Variants in TET3 observed in about 807,000 individuals in gnomAD.
TET3 encodes methylcytosine dioxygenase TET3.
A neutral mutation model predicts 141.4 loss-of-function variants in TET3; 19 were observed. That is an observed-to-expected ratio of 0.13 (90% CI 0.09 to 0.20). The LOEUF (loss-of-function observed/expected upper bound fraction) is 0.20. Ranked by LOEUF, TET3 falls within the 10% of genes least tolerant of loss-of-function variation. The probability of loss-of-function intolerance (pLI) is 1.00; values close to 1 mark genes in which losing one functional copy is unlikely to be tolerated. For missense variants in TET3, 1,874 were observed against 2,356.9 expected, an observed-to-expected ratio of 0.80 and a Z score of 4.24; for synonymous variants, 1,043 against 980.9, an observed-to-expected ratio of 1.06 and a Z score of -1.18.
At chr2:74,043,416 C>T (rs1406546999) in intron 3 of TET3, among the ~76,000 whole-genome samples, 12 of 152,144 alleles carry the variant, frequency 7.9e-5, no homozygotes, top group Non-Finnish European at 7.3e-5. Context: ...GAGATTTGGA[C>T]CCTGCCTGCC....
At chr2:74,070,077 T>G (rs1689120850) in intron 4 of TET3, among the ~76,000 whole-genome samples, 1 of 152,272 alleles carries the variant, frequency 6.6e-6, no homozygotes, top group Non-Finnish European at 1.5e-5. Flanking sequence ...CTAGTAGTTT[T>G]TACTCACTGT....
chr2:74,047,692 C>T lies in TET3; in HGVS notation c.1775C>T (p.Thr592Met), dbSNP rs776895794. ...ACACCAGCTGGAGGTCCCGTGGGAA[C>T]GGAGAAAGCTGCCCCTGGGATCAAG... ...LPTPAGGPVG[T>M]EKAAPGIKPS... Residue 592 changes from threonine to methionine, a missense_variant, in exon 4 of 12, where the codon ACG becomes ATG. Thr to Met is a moderately conservative substitution (Grantham distance 81). This residue lies in a region of TET3 where 484 missense variants were observed against 462.2 expected (regional missense o/e 1.05). Transcript: ENST00000409262. 107 of 1,613,204 alleles carry T rather than the reference C, an allele frequency of 6.6e-5. No homozygotes were observed. Among genetic ancestry groups the T allele is most frequent in the East Asian group, 4.5e-4 (20 of 44,846 alleles).
chr2:74,027,163 C>T (rs1001350818), intron 3 of TET3, among the ~76,000 whole-genome samples: 11 of 152,146 alleles, frequency 7.2e-5, no homozygotes, highest in African/African-American at 2.7e-4. Flanking sequence ...CCCTGTCTCC[C>T]AACCATTGTT....
chr2:74,035,792 C>T (rs1471740499), intron 3 of TET3, among the ~76,000 whole-genome samples: 2 of 151,002 alleles, frequency 1.3e-5, no homozygotes, highest in Non-Finnish European at 2.9e-5. Context: ...TGGGTGGATC[C>T]CTTGAGGCCA....
intron 4 of TET3, among the ~76,000 whole-genome samples, chr2:74,061,077 C>T (rs1404861565): frequency 1.3e-5 from 2 of 151,928 alleles, no homozygotes; most frequent in South Asian, 2.1e-4. Context: ...CTCCTCACTT[C>T]CCAGTAGGGG....
chr2:74,018,500 A>G (rs926218920), intron 3 of TET3, among the ~76,000 whole-genome samples: 25 of 152,196 alleles, frequency 1.6e-4, no homozygotes, highest in African/African-American at 6.0e-4. Flanking sequence ...TGCATGCGAT[A>G]TAAGATAGGG....
Position 74,046,729 on chromosome 2 carries a change from A to G in TET3, c.812A>G (p.Asn271Ser), listed in dbSNP as rs748579529. Residue 271 changes from asparagine to serine, a missense_variant, in exon 4 of 12, where the codon AAC becomes AGC. Asn to Ser is a conservative substitution (Grantham distance 46). Around this residue, in one of 10 missense-constraint regions of TET3, gnomAD observed 366 missense variants for 487.0 expected, o/e 0.75. Coordinates refer to ENST00000409262, the MANE Select transcript of TET3 (RefSeq NM_001287491.2). The surrounding 1 kb of genome is among the most constrained non-coding windows in gnomAD (Gnocchi z 4.3). Reference sequence around the variant, plus strand: ...GCGCGGCATGGTATGAAACCACCCAACTGCAACTGCGATGGCCCAGAATGC... The same window carrying G: ...GCGCGGCATGGTATGAAACCACCCAGCTGCAACTGCGATGGCCCAGAATGC... ...ALARHGMKPPNCNCDGPECPD... is the reference protein window; with the variant it reads ...ALARHGMKPPSCNCDGPECPD... 6.2e-6 allele frequency: 10 copies of G among 1,613,824 alleles called. No individual in the cohort carries two copies. The highest frequency in any genetic ancestry group is 1.7e-5 in the Admixed American group (1 of 60,012).
chr2:73,997,042 G>A (rs561508323), intron 2 of TET3, among the ~76,000 whole-genome samples: 51 of 152,248 alleles, frequency 3.3e-4, no homozygotes, highest in African/African-American at 1.2e-3. Flanking sequence ...CACACCTAAC[G>A]AGGGTGTTAG....
At chr2:74,070,917 G>T (rs1184981940) in intron 4 of TET3, among the ~76,000 whole-genome samples, 1 of 152,152 alleles carries the variant, frequency 6.6e-6, no homozygotes, top group Non-Finnish European at 1.5e-5. Context: ...CGAAGCTGCA[G>T]TAAGCTGTGA....
At chr2:73,985,370 A>G (rs1683960326) in intron 1 of TET3, among the ~76,000 whole-genome samples, 1 of 142,326 alleles carries the variant, frequency 7.0e-6, no homozygotes. Flanking sequence ...AAGCCGCCGG[A>G]GCGGAGTGGC....
chr2:74,081,153 T>C (rs1421340238), intron 6 of TET3, among the ~76,000 whole-genome samples: 2 of 152,180 alleles, frequency 1.3e-5, no homozygotes, highest in African/African-American at 4.8e-5. Context: ...AGCAGTTTCC[T>C]ACCAGGCAAC....
Position 74,017,617 on chromosome 2 carries a change from G to A in TET3, c.360+14451G>A, listed in dbSNP as rs149710664. On this transcript the variant is annotated intron_variant, in intron 3 of 11. Coordinates refer to ENST00000409262, the MANE Select transcript of TET3 (RefSeq NM_001287491.2). The stretch of plus-strand genomic sequence containing the variant: ...CTAACTAGTATTCCATTATGTGCAC[G>A]TACCACGTGTTCTTTATCCATTGAC... Among the ~76,000 whole-genome samples, 253 of 152,072 alleles carry A rather than the reference G, an allele frequency of 1.7e-3. No homozygotes were observed. The South Asian group carries it at 0.018, about 11-fold the overall frequency.
chr2:74,046,373 A>G lies in TET3; in HGVS notation c.456A>G (p.Ser152=), dbSNP rs1383255848. The change falls in exon 4 of 12, where the codon TCA becomes TCG. Residue 152 remains serine, a synonymous_variant. Coordinates refer to ENST00000409262, the MANE Select transcript of TET3 (RefSeq NM_001287491.2). The surrounding 1 kb of genome is among the most constrained non-coding windows in gnomAD (Gnocchi z 4.3). ...YHGDSRQLSA[S]GVPVNGAREP... Reference sequence around the variant, plus strand: ...GGGACTCACGGCAGCTAAGCGCCTCAGGGGTGCCGGTCAATGGTGCTAGAG... The same window carrying G: ...GGGACTCACGGCAGCTAAGCGCCTCGGGGGTGCCGGTCAATGGTGCTAGAG... 1.4e-5 allele frequency: 22 copies of G among 1,538,688 alleles called. No homozygotes were observed. Among genetic ancestry groups the G allele is most frequent in the Non-Finnish European group, 1.7e-5 (20 of 1,146,436 alleles).
At chr2:74,099,122 C>G (rs1341913464) in intron 10 of TET3, among the ~76,000 whole-genome samples, 154 bp from the exon 11 acceptor site, 1 of 152,176 alleles carries the variant, frequency 6.6e-6, no homozygotes, top group East Asian at 1.9e-4. Flanking sequence ...GAACCAAGAT[C>G]AATGTGCTTT....
chr2:74,111,369 T>C (rs560951911), downstream of TET3, among the ~76,000 whole-genome samples: 3 of 152,266 alleles, frequency 2.0e-5, no homozygotes, highest in African/African-American at 7.2e-5. Flanking sequence ...AAGGTCAAAG[T>C]CTTAACCAAA....
At position 74,079,919 on chromosome 2, in the gene TET3, G is replaced by C. The variant is rs182975353; in HGVS notation, c.2586-579G>C. Among the ~76,000 whole-genome samples the C allele has an allele frequency of 4.3e-4, 65 of 152,240 alleles. 2 individuals carry two copies. The East Asian group carries it at 0.012, about 28-fold the overall frequency. ...TGGGGTTCTGAAGCCCTGAGTGTGT[G>C]GGGGAGCCAGGGCAGGTGACGTGTG... On this transcript the variant is annotated intron_variant, in intron 5 of 11. Coordinates refer to ENST00000409262, the MANE Select transcript of TET3 (RefSeq NM_001287491.2).
intron 2 of TET3, among the ~76,000 whole-genome samples, chr2:73,997,811 TA>T (rs1283977182): frequency 6.6e-6 from 1 of 152,186 alleles, no homozygotes; most frequent in Non-Finnish European, 1.5e-5. Flanking sequence ...TGTGTGTCCT[TA>T]ATGATCTTGC....
At chr2:74,065,979 G>A (rs1337122179) in intron 4 of TET3, among the ~76,000 whole-genome samples, 4 of 152,032 alleles carry the variant, frequency 2.6e-5, no homozygotes, top group East Asian at 1.9e-4. Context: ...AAATGGTCTC[G>A]ATCTCCTGAC....
At position 73,986,323 on chromosome 2, in the gene TET3, G is replaced by T; in HGVS notation, c.-81G>T. On this transcript the variant is annotated 5_prime_UTR_variant, in exon 2 of 12. Transcript: ENST00000409262. Reference sequence around the variant, plus strand: ...ACTCTTGACTGTTCTAGGCGAGAAGGACCTGTTGGTGGCCTTTGGAGGTGG... The same window carrying T: ...ACTCTTGACTGTTCTAGGCGAGAAGTACCTGTTGGTGGCCTTTGGAGGTGG... The T allele has an allele frequency of 1.7e-6, 2 of 1,188,008 alleles. No individual in the cohort carries two copies. Among genetic ancestry groups the T allele is most frequent in the Non-Finnish European group, 2.1e-6 (2 of 948,444 alleles). The allele number at this position is 1,188,008 out of a possible 1,614,324, so 73.6% of individuals were successfully genotyped here.
Sources: allele counts gnomAD v4.1 joint callset (sites outside exome capture counted in the v4.1 genomes callset), GRCh38; gene constraint gnomAD v4.1.1; regional missense constraint gnomAD v4.1.1; non-coding constraint Gnocchi (gnomAD v3.1); transcripts MANE v1.5; gene names NCBI Gene and HGNC (gene_info 2026-07-23, HGNC 2026-07-21).